SSBP2: variants seen among roughly 807,000 people sequenced by gnomAD.
The protein encoded by SSBP2 is single-stranded DNA-binding protein 2.
In SSBP2, 17 loss-of-function variants were observed where a neutral mutation model predicts 61.8. The ratio of observed to expected loss-of-function variants is 0.28; its 90% CI spans 0.19 to 0.41. SSBP2 has a LOEUF of 0.41. SSBP2 is among the 10% of genes least tolerant of loss of function. The probability of loss-of-function intolerance (pLI) is 1.00; values close to 1 mark genes in which losing one functional copy is unlikely to be tolerated. For missense variants in SSBP2, 310 were observed against 458.7 expected, an observed-to-expected ratio of 0.68 and a Z score of 2.96; for synonymous variants, 139 against 141.3, an observed-to-expected ratio of 0.98 and a Z score of 0.12.
At chr5:81,661,105 A>C (rs923665156) in intron 1 of SSBP2, among the ~76,000 whole-genome samples, 3 of 152,122 alleles carry the variant, frequency 2.0e-5, no homozygotes, top group African/African-American at 7.2e-5. Context: ...AGCAAACCAC[A>C]ATGGCGCATG....
chr5:81,527,310 G>A (rs1179215626), intron 4 of SSBP2, among the ~76,000 whole-genome samples: 1 of 152,048 alleles, frequency 6.6e-6, no homozygotes, highest in African/African-American at 2.4e-5. Context: ...AGTGAAAAGT[G>A]GAGGAACTTG....
At chr5:81,562,162 T>A (rs1379618542) in intron 4 of SSBP2, among the ~76,000 whole-genome samples, 1 of 152,072 alleles carries the variant, frequency 6.6e-6, no homozygotes, top group African/African-American at 2.4e-5. Context: ...GGCTTCGGCC[T>A]CCCAAAGTGC....
intron 5 of SSBP2, among the ~76,000 whole-genome samples, chr5:81,496,336 C>T (rs551124402): frequency 7.2e-5 from 11 of 152,148 alleles, no homozygotes; most frequent in Middle Eastern, 3.4e-3. Context: ...TGTGCCACCA[C>T]GCCTGGCTAA....
intron 4 of SSBP2, among the ~76,000 whole-genome samples, chr5:81,611,991 G>T (rs187667276): frequency 6.6e-6 from 1 of 152,170 alleles, no homozygotes; most frequent in East Asian, 1.9e-4. Flanking sequence ...TATATCTTAT[G>T]TTAAGTACTC....
chr5:81,547,969 T>C lies in SSBP2; in HGVS notation c.283-34252A>G, dbSNP rs1288753657. 3.9e-5 allele frequency among the ~76,000 whole-genome samples: 6 copies of C among 152,190 alleles called. No homozygotes were observed. In the South Asian group the frequency reaches 1.0e-3, roughly 26 times the overall value. On this transcript the variant is annotated intron_variant, in intron 4 of 16. Transcript: ENST00000320672. ...TTTAGGGCAGTGAAACTATTCTGTA[T>C]GTTACTGTGTAAACCCATGGAATAT...
At chr5:81,709,478 GAAT>G (rs1581395080) in intron 1 of SSBP2, among the ~76,000 whole-genome samples, 2 of 151,606 alleles carry the variant, frequency 1.3e-5, no homozygotes, top group African/African-American at 2.4e-5. Context: ...AATAATTCCT[GAAT>G]AATATCTTAA....
At position 81,573,289 on chromosome 5, in the gene SSBP2, T is replaced by C. The variant is rs1202597038; in HGVS notation, c.282+42184A>G. ...AATGGCTTAAAGGTTCCATATAAAC[T>C]TGATAATGAAATGAAAAGATGCTCT... On this transcript the variant is annotated intron_variant, in intron 4 of 16. Coordinates refer to ENST00000320672, the MANE Select transcript of SSBP2 (RefSeq NM_012446.5). Among the ~76,000 whole-genome samples the C allele has an allele frequency of 2.0e-5, 3 of 152,244 alleles. No homozygotes were observed. The East Asian group carries it at 5.8e-4, about 29-fold the overall frequency.
intron 1 of SSBP2, among the ~76,000 whole-genome samples, chr5:81,721,915 C>T (rs984026586): frequency 1.3e-5 from 2 of 152,064 alleles, no homozygotes; most frequent in Non-Finnish European, 2.9e-5. Context: ...CCTGATTACA[C>T]CTTCTCTGCT....
chr5:81,728,389 T>C (rs763641153), intron 1 of SSBP2, among the ~76,000 whole-genome samples: 4 of 152,232 alleles, frequency 2.6e-5, no homozygotes, highest in Non-Finnish European at 5.9e-5. Flanking sequence ...TGGCCTCTCT[T>C]GTCCTCATTT....
At chr5:81,454,596 G>C (rs763415700) in intron 10 of SSBP2, among the ~76,000 whole-genome samples, 1 of 151,972 alleles carries the variant, frequency 6.6e-6, no homozygotes, top group Admixed American at 6.6e-5. Context: ...CAAGAGAATC[G>C]CTTGAACCTG....
At chr5:81,517,217 TAA>T (rs1769098285) in intron 4 of SSBP2, among the ~76,000 whole-genome samples, 1 of 152,018 alleles carries the variant, frequency 6.6e-6, no homozygotes, top group Non-Finnish European at 1.5e-5. Context: ...ACTGAATATA[TAA>T]GACTTCAGTG....
At chr5:81,480,291 G>A (rs1765888498) in intron 6 of SSBP2, among the ~76,000 whole-genome samples, 1 of 152,150 alleles carries the variant, frequency 6.6e-6, no homozygotes, top group Non-Finnish European at 1.5e-5. Context: ...TGCTGGTTTA[G>A]CTCAAGACCA....
At chr5:81,625,099 T>C (rs935822003) in intron 3 of SSBP2, among the ~76,000 whole-genome samples, 2 of 152,200 alleles carry the variant, frequency 1.3e-5, no homozygotes, top group African/African-American at 4.8e-5. Context: ...ATTTCACTAA[T>C]ATTTTTAACA....
At chr5:81,553,840 CT>C (rs954556417) in intron 4 of SSBP2, among the ~76,000 whole-genome samples, 11 of 151,996 alleles carry the variant, frequency 7.2e-5, no homozygotes, top group African/African-American at 1.2e-4. Flanking sequence ...CTCTTCTTTT[CT>C]TACCATCCTT....
chr5:81,628,151 C>A (rs1327298750), intron 3 of SSBP2, among the ~76,000 whole-genome samples: 2 of 152,110 alleles, frequency 1.3e-5, no homozygotes. Flanking sequence ...TGAGGTTTAA[C>A]TGACTCACAG....
At chr5:81,427,199 T>C (rs559647185) in intron 16 of SSBP2, among the ~76,000 whole-genome samples, 1 of 152,320 alleles carries the variant, frequency 6.6e-6, no homozygotes, top group South Asian at 2.1e-4. Context: ...AATTAATTTG[T>C]CCATAGTTTT....
intron 4 of SSBP2, among the ~76,000 whole-genome samples, chr5:81,520,910 T>C (rs1769430432): frequency 1.3e-5 from 2 of 152,116 alleles, no homozygotes; most frequent in Admixed American, 1.3e-4. Flanking sequence ...CTTTATTAAG[T>C]CACTTTCTTT....
At chr5:81,435,207 T>C (rs928972878) in intron 15 of SSBP2, among the ~76,000 whole-genome samples, 5 of 152,216 alleles carry the variant, frequency 3.3e-5, no homozygotes, top group African/African-American at 7.2e-5. Flanking sequence ...TTTGTAAAAA[T>C]TTTTATTTAT....
chr5:81,730,586 T>A (rs1371151753), intron 1 of SSBP2, among the ~76,000 whole-genome samples: 1 of 152,168 alleles, frequency 6.6e-6, no homozygotes, highest in Non-Finnish European at 1.5e-5. Flanking sequence ...TTACTTGAGC[T>A]TCAGCGAAAA....
Sources: gnomAD v4.1 joint callset for allele counts (sites outside exome capture counted in the v4.1 genomes callset) on GRCh38, gnomAD v4.1.1 for gene constraint, MANE v1.5 for transcripts, NCBI Gene and HGNC (gene_info 2026-07-23, HGNC 2026-07-21) for gene names.